DPP6: variants seen among roughly 807,000 people sequenced by gnomAD.
DPP6 encodes the protein dipeptidyl peptidase like 6.
DPP6 carries 69 observed loss-of-function variants against 122.6 expected under a neutral mutation model. That is an observed-to-expected ratio of 0.56 (90% confidence interval 0.46 to 0.69). The LOEUF (loss-of-function observed/expected upper bound fraction) is 0.69. Among genes scored for constraint, DPP6 ranks in the 30% least tolerant of loss-of-function variants. DPP6 has a pLI of 0.00. For missense variants in DPP6, 928 were observed against 1,116.9 expected (o/e 0.83, Z 2.41); for synonymous variants, 418 against 433.1 (o/e 0.97, Z 0.43).
chr7:154,666,635 T>C (rs1048155505), intron 6 of DPP6, among the ~76,000 whole-genome samples: 2 of 152,156 alleles, frequency 1.3e-5, no homozygotes, highest in African/African-American at 4.8e-5. Flanking sequence ...TGTATCTTTT[T>C]ATCAGCACCC....
At chr7:153,872,483 G>T in the DPP6 span, among the ~76,000 whole-genome samples, 1 of 152,040 alleles carries the variant, frequency 6.6e-6, no homozygotes, top group Non-Finnish European at 1.5e-5. Flanking sequence ...ATATACCACT[G>T]GTTGCCAGAA....
chr7:154,167,285 A>G (rs1303618034), intron 1 of DPP6, among the ~76,000 whole-genome samples: 2 of 152,358 alleles, frequency 1.3e-5, no homozygotes, highest in East Asian at 1.9e-4. Flanking sequence ...GCACCCTAAC[A>G]GAAATCATTC....
At chr7:154,837,280 C>T (rs949376832) in intron 16 of DPP6, among the ~76,000 whole-genome samples, 4 of 151,854 alleles carry the variant, frequency 2.6e-5, no homozygotes, top group Non-Finnish European at 5.9e-5. Flanking sequence ...CACACGCATG[C>T]AGGCACATTC....
chr7:153,852,905 T>C, the DPP6 span, among the ~76,000 whole-genome samples: 7 of 152,164 alleles, frequency 4.6e-5, no homozygotes, highest in Non-Finnish European at 7.3e-5. Context: ...TTTTAGGCCA[T>C]TTTCAGTAAA....
chr7:154,489,915 C>T (rs1403809173), intron 3 of DPP6, among the ~76,000 whole-genome samples: 1 of 152,162 alleles, frequency 6.6e-6, no homozygotes, highest in African/African-American at 2.4e-5. Flanking sequence ...CTACCCTTTG[C>T]GAGGCAAGGA....
At position 153,907,927 on chromosome 7, in the gene DPP6, G is replaced by A. The variant is rs377584773; in HGVS notation, c.51+20193G>A. 3.3e-5 allele frequency among the ~76,000 whole-genome samples: 5 copies of A among 151,904 alleles called. No individual in the cohort carries two copies. The East Asian group carries it at 7.8e-4, about 24-fold the overall frequency. ...GAGATGTGGGATGGAGGCATGGTAA[G>A]TGTTTTTAGATATCTGGAGGGCTTT... On this transcript the variant is annotated intron_variant, in intron 1 of 25. Transcript: ENST00000404039.
chr7:154,837,160 CACAA>C (rs1221113929), intron 16 of DPP6, among the ~76,000 whole-genome samples: 4 of 151,724 alleles, frequency 2.6e-5, no homozygotes, highest in Admixed American at 6.6e-5. Context: ...CACACATGCA[CACAA>C]ACACATGCAT....
chr7:153,838,342 G>GAAAT, the DPP6 span, among the ~76,000 whole-genome samples: 1 of 152,116 alleles, frequency 6.6e-6, no homozygotes, highest in South Asian at 2.1e-4. Flanking sequence ...TCTCCTCCAT[G>GAAAT]CTAGGCTGTC....
chr7:154,714,227 G>A (rs1180980240), intron 7 of DPP6, among the ~76,000 whole-genome samples: 1 of 152,132 alleles, frequency 6.6e-6, no homozygotes, highest in Non-Finnish European at 1.5e-5. Flanking sequence ...CTAATCTGTA[G>A]GAAGTTCTAA....
the DPP6 span, among the ~76,000 whole-genome samples, chr7:153,869,542 G>T: frequency 1.3e-5 from 2 of 152,234 alleles, no homozygotes; most frequent in South Asian, 2.1e-4. Context: ...GAGCCTATGT[G>T]TGTCTCTGCA....
At chr7:154,801,153 ATCT>A (rs1352061015) in intron 12 of DPP6, among the ~76,000 whole-genome samples, 199 bp from the exon 13 acceptor site, 3 of 152,018 alleles carry the variant, frequency 2.0e-5, no homozygotes, top group Non-Finnish European at 2.9e-5. Flanking sequence ...TAATTCCTCC[ATCT>A]TCTTCTTTTA....
At chr7:154,166,134 C>T (rs953285073) in intron 1 of DPP6, among the ~76,000 whole-genome samples, 1 of 152,150 alleles carries the variant, frequency 6.6e-6, no homozygotes, top group Non-Finnish European at 1.5e-5. Flanking sequence ...CTTTTAATTA[C>T]AGCGTTATTA....
At chr7:154,201,799 A>G (rs1045791959) in intron 1 of DPP6, among the ~76,000 whole-genome samples, 2 of 152,206 alleles carry the variant, frequency 1.3e-5, no homozygotes, top group Non-Finnish European at 2.9e-5. Flanking sequence ...ATACCATTGA[A>G]AAGAGTTTCT....
chr7:154,419,803 C>T (rs146895883), intron 1 of DPP6, among the ~76,000 whole-genome samples: 11 of 152,262 alleles, frequency 7.2e-5, no homozygotes, highest in African/African-American at 2.6e-4. Context: ...CTCATAACAG[C>T]AGCACCGTTT....
the DPP6 span, among the ~76,000 whole-genome samples, chr7:153,763,364 G>C: frequency 4.4e-4 from 59 of 134,150 alleles, no homozygotes; most frequent in Middle Eastern, 3.6e-3. Context: ...TGCATCCCAG[G>C]AGGTACAAGT....
the DPP6 span, among the ~76,000 whole-genome samples, chr7:153,772,514 CAATG>C: frequency 6.6e-6 from 1 of 151,742 alleles, no homozygotes; most frequent in South Asian, 2.1e-4. Flanking sequence ...TAAAATGAAA[CAATG>C]AAAACAATAA....
intron 1 of DPP6, among the ~76,000 whole-genome samples, chr7:154,262,735 G>T (rs938061056): frequency 9.9e-5 from 15 of 151,682 alleles, no homozygotes; most frequent in African/African-American, 3.6e-4. Context: ...TTTTGTTGGG[G>T]ATAAAAGTGA....
Position 154,607,992 on chromosome 7 carries a change from T to A in DPP6, c.628-29829T>A, listed in dbSNP as rs1210719784. Among the ~76,000 whole-genome samples, 7 of 115,580 alleles carry A rather than the reference T, an allele frequency of 6.1e-5. 1 individual carries two copies. The highest frequency in any genetic ancestry group is 1.9e-4 in the African/African-American group (7 of 36,796). 75.8% of individuals were successfully genotyped at this position (115,580 alleles called of 152,430 possible). A position where few individuals can be genotyped will look rare whatever the true frequency, so the allele number is the denominator to read the frequency against. On this transcript the variant is annotated intron_variant, in intron 5 of 25. Coordinates refer to ENST00000377770, the MANE Select transcript of DPP6 (RefSeq NM_130797.4). ...AGTTTTTTCTTTTTTTTTTCTTTTT[T>A]TTTTTGAGACAGAGTCTCGCTCTGT...
intron 1 of DPP6, among the ~76,000 whole-genome samples, chr7:154,181,745 C>CT (rs1491267028): frequency 6.8e-6 from 1 of 146,576 alleles, no homozygotes; most frequent in African/African-American, 2.7e-5. Context: ...AAATGCATCT[C>CT]CCTCTTTTTT....
Sources: gnomAD v4.1 joint callset for allele counts (sites outside exome capture counted in the v4.1 genomes callset) on GRCh38, gnomAD v4.1.1 for gene constraint, MANE v1.5 for transcripts, NCBI Gene and HGNC (gene_info 2026-07-23, HGNC 2026-07-21) for gene names.